TRPS1: variants seen among roughly 807,000 people sequenced by gnomAD.
The protein encoded by TRPS1 is zinc finger transcription factor Trps1.
In TRPS1, 6 loss-of-function variants were observed where a neutral mutation model predicts 101.2. That is an observed-to-expected ratio of 0.06 (90% CI 0.03 to 0.12). The LOEUF is 0.12. Among genes scored for constraint, TRPS1 ranks in the 10% least tolerant of loss-of-function variants. The probability of loss-of-function intolerance (pLI) is 1.00; values close to 1 mark genes in which losing one functional copy is unlikely to be tolerated. For missense variants in TRPS1, 1,363 were observed against 1,567.0 expected, an observed-to-expected ratio of 0.87 and a Z score of 2.20; for synonymous variants, 578 against 589.8, an observed-to-expected ratio of 0.98 and a Z score of 0.29.
chr8:115,512,006 G>A (rs1443939396), intron 5 of TRPS1, among the ~76,000 whole-genome samples: 5 of 151,630 alleles, frequency 3.3e-5, no homozygotes, highest in African/African-American at 9.7e-5. Flanking sequence ...TCGCATCAAC[G>A]TGTTGCTACC....
intron 1 of TRPS1, among the ~76,000 whole-genome samples, chr8:115,667,091 A>G (rs1811939729): frequency 6.6e-6 from 1 of 152,222 alleles, no homozygotes; most frequent in African/African-American, 2.4e-5. Flanking sequence ...AAACTTTCAA[A>G]GCATCAAATA....
chr8:115,614,354 A>G (rs563070144), intron 3 of TRPS1, among the ~76,000 whole-genome samples: 42 of 152,342 alleles, frequency 2.8e-4, no homozygotes, highest in Admixed American at 2.0e-3. Flanking sequence ...CCTTTAAATG[A>G]TAACAAATAA....
At chr8:115,503,786 T>C (rs897288327) in intron 5 of TRPS1, among the ~76,000 whole-genome samples, 1 of 152,228 alleles carries the variant, frequency 6.6e-6, no homozygotes, top group African/African-American at 2.4e-5. Context: ...GAGTTATTTA[T>C]GAGCTGATAG....
chr8:115,603,169 A>G (rs1817947886), intron 4 of TRPS1, among the ~76,000 whole-genome samples: 1 of 152,208 alleles, frequency 6.6e-6, no homozygotes, highest in African/African-American at 2.4e-5. Context: ...TTATCTCTAG[A>G]TATTATAAAA....
chr8:115,647,597 C>T (rs1811444890), intron 1 of TRPS1, among the ~76,000 whole-genome samples: 1 of 152,124 alleles, frequency 6.6e-6, no homozygotes, highest in Admixed American at 6.5e-5. Flanking sequence ...ACACACACTT[C>T]CATCTACTCA....
chr8:115,518,113 C>CA (rs371941620), intron 5 of TRPS1, among the ~76,000 whole-genome samples: 151,636 of 151,638 alleles, frequency 1, 75,817 homozygotes, highest in Middle Eastern at 1. Context: ...TAAAGAGCAA[C>CA]AGGCTCAATG....
At chr8:115,440,475 T>C (rs1024253551) in intron 5 of TRPS1, among the ~76,000 whole-genome samples, 15 of 152,204 alleles carry the variant, frequency 9.9e-5, no homozygotes, top group African/African-American at 3.6e-4. Context: ...CTGTAAGTTG[T>C]AACAGGACCA....
chr8:115,521,711 T>G (rs986064282), intron 5 of TRPS1, among the ~76,000 whole-genome samples: 2 of 151,970 alleles, frequency 1.3e-5, no homozygotes, highest in Non-Finnish European at 2.9e-5. Context: ...GCTAATACTT[T>G]ATTTAAAAAA....
At chr8:115,494,885 A>C (rs1411813643) in intron 5 of TRPS1, among the ~76,000 whole-genome samples, 1 of 152,206 alleles carries the variant, frequency 6.6e-6, no homozygotes, top group Non-Finnish European at 1.5e-5. Context: ...AAAGCTATGA[A>C]TCATCATTAA....
intron 5 of TRPS1, among the ~76,000 whole-genome samples, chr8:115,434,349 A>G (rs1243562116): frequency 6.6e-6 from 1 of 152,178 alleles, no homozygotes; most frequent in Non-Finnish European, 1.5e-5. Flanking sequence ...AGACTTCTGG[A>G]AGTTGATCCA....
At chr8:115,431,952 T>C (rs1813329240) in intron 5 of TRPS1, among the ~76,000 whole-genome samples, 1 of 151,852 alleles carries the variant, frequency 6.6e-6, no homozygotes, top group African/African-American at 2.4e-5. Context: ...TTATAGTTAA[T>C]ACACACACAA....
At chr8:115,471,138 C>A (rs1814458416) in intron 5 of TRPS1, among the ~76,000 whole-genome samples, 1 of 152,168 alleles carries the variant, frequency 6.6e-6, no homozygotes, top group Non-Finnish European at 1.5e-5. Flanking sequence ...CTACCTCCTC[C>A]TCAGGCTGTA....
chr8:115,649,811 A>C (rs2721965), intron 1 of TRPS1, among the ~76,000 whole-genome samples: 45,509 of 152,100 alleles, frequency 0.3, 7,555 homozygotes, highest in Admixed American at 0.39. Context: ...AACACATTTA[A>C]TGTCCTCCTT....
intron 5 of TRPS1, among the ~76,000 whole-genome samples, chr8:115,461,042 A>T (rs537082602): frequency 6.6e-5 from 10 of 152,294 alleles, no homozygotes; most frequent in African/African-American, 2.4e-4. Flanking sequence ...TCACAGTCTC[A>T]CAAACATGAC....
At chr8:115,603,431 G>A (rs968540802) in intron 4 of TRPS1, among the ~76,000 whole-genome samples, 1 of 152,120 alleles carries the variant, frequency 6.6e-6, no homozygotes, top group Non-Finnish European at 1.5e-5. Flanking sequence ...AAATAAAAAT[G>A]AGCAACAGGT....
intron 5 of TRPS1, among the ~76,000 whole-genome samples, chr8:115,525,017 T>G (rs2130243036): frequency 7.6e-6 from 1 of 131,024 alleles, no homozygotes. Context: ...TTCTTGTCAG[T>G]ACATAGAAGT....
At position 115,603,857 on chromosome 8, in the gene TRPS1, A is replaced by AC; in HGVS notation, c.2096+15dup. On this transcript the variant is annotated intron_variant, in intron 4 of 6. Transcript: ENST00000395715. The stretch of plus-strand genomic sequence containing the variant: ...TTATTTGTATATTCCTCCCGACCCC[A>AC]CCCCCCATGCCTCACCTGTAGTGTC... The AC allele has an allele frequency of 6.2e-7, 1 of 1,612,662 alleles. No homozygotes were observed. Among genetic ancestry groups the AC allele is most frequent in the Non-Finnish European group, 8.5e-7 (1 of 1,179,598 alleles).
At chr8:115,666,478 T>G (rs1343806417) in intron 1 of TRPS1, among the ~76,000 whole-genome samples, 1 of 151,858 alleles carries the variant, frequency 6.6e-6, no homozygotes, top group Admixed American at 6.5e-5. Context: ...TGGTGGAATA[T>G]CTGAGAGAGC....
At chr8:115,552,846 A>AC (rs1304130829) in intron 5 of TRPS1, among the ~76,000 whole-genome samples, 1 of 151,040 alleles carries the variant, frequency 6.6e-6, no homozygotes, top group Non-Finnish European at 1.5e-5. Context: ...AATTCCCCCC[A>AC]CCCCCTAAAG....
Sources: gnomAD v4.1 joint callset for allele counts (sites outside exome capture counted in the v4.1 genomes callset) on GRCh38, gnomAD v4.1.1 for gene constraint, MANE v1.5 for transcripts, NCBI Gene and HGNC (gene_info 2026-07-23, HGNC 2026-07-21) for gene names.